WDR72: variants seen among roughly 807,000 people sequenced by gnomAD.
WDR72 encodes WD repeat-containing protein 72.
In WDR72, 120 loss-of-function variants were observed where a neutral mutation model predicts 124.2. That is an observed-to-expected ratio of 0.97 (90% CI 0.83 to 1.12). WDR72 has a LOEUF of 1.12. WDR72 is among the 50% of genes most tolerant of loss of function. The pLI is 0.00. For missense variants in WDR72, 1,387 were observed against 1,278.8 expected (o/e 1.08, Z -1.29); for synonymous variants, 452 against 441.7 (o/e 1.02, Z -0.29).
At chr15:53,529,164 A>ATATATATATATATATTTTTT (rs59003623) in intron 18 of WDR72, among the ~76,000 whole-genome samples, 43 of 78,126 alleles carry the variant, frequency 5.5e-4, no homozygotes, top group African/African-American at 2.1e-3. Context: ...ATATATATAT[A>ATATATATATATATATTTTTT]TTTTTTTTTT....
At chr15:53,646,342 T>A (rs1006026552) in intron 14 of WDR72, among the ~76,000 whole-genome samples, 1 of 152,130 alleles carries the variant, frequency 6.6e-6, no homozygotes, top group Non-Finnish European at 1.5e-5. Flanking sequence ...TTATCATATT[T>A]CCCAAATAAT....
chr15:53,711,592 G>A, intron 7 of WDR72, 111 bp from the exon 8 acceptor site: 1 of 1,104,082 alleles, frequency 9.1e-7, no homozygotes, highest in Non-Finnish European at 1.3e-6. Context: ...GTTAATAACA[G>A]ACCATACTGT....
At chr15:53,585,994 G>A (rs184059447) in intron 18 of WDR72, among the ~76,000 whole-genome samples, 7 of 152,134 alleles carry the variant, frequency 4.6e-5, no homozygotes. Context: ...CAGGCAGTTG[G>A]TGGCTCTCTA....
chr15:53,602,401 C>T (rs1193618561), intron 17 of WDR72, among the ~76,000 whole-genome samples: 1 of 151,938 alleles, frequency 6.6e-6, no homozygotes, highest in African/African-American at 2.4e-5. Context: ...CTCTTGTTAA[C>T]AGCCTAACTT....
intron 14 of WDR72, among the ~76,000 whole-genome samples, chr15:53,662,989 G>A (rs690021): frequency 0.089 from 13,498 of 151,424 alleles, 1,583 homozygotes; most frequent in African/African-American, 0.27. Context: ...GAACTGCTTG[G>A]GCCCAGGAGT....
At chr15:53,686,343 T>A (rs1408940624) in intron 13 of WDR72, among the ~76,000 whole-genome samples, 1 of 151,360 alleles carries the variant, frequency 6.6e-6, no homozygotes, top group Non-Finnish European at 1.5e-5. Flanking sequence ...ACACATAGGC[T>A]CAAAATAAAA....
intron 19 of WDR72, among the ~76,000 whole-genome samples, chr15:53,519,166 T>C (rs1218803347): frequency 6.6e-6 from 1 of 152,094 alleles, no homozygotes; most frequent in Non-Finnish European, 1.5e-5. Flanking sequence ...ATTGTGAATG[T>C]CACACTAAAT....
At position 53,598,840 on chromosome 15, in the gene WDR72, T is replaced by TATCAATTATGTGCCATTA. The variant is rs552935090; in HGVS notation, c.2953-1584_2953-1567dup. Among the ~76,000 whole-genome samples, 1,135 of 152,246 alleles carry TATCAATTATGTGCCATTA rather than the reference T, an allele frequency of 7.5e-3. 19 individuals are homozygous for TATCAATTATGTGCCATTA. Among genetic ancestry groups the TATCAATTATGTGCCATTA allele is most frequent in the African/African-American group, 0.026 (1,097 of 41,508 alleles). ...TGTAATGAGATATTTAACATCAGAG[T>TATCAATTATGTGCCATTA]ATCAATTATGTGCCATTAATCTAAG... On this transcript the variant is annotated intron_variant, in intron 17 of 19. Coordinates refer to ENST00000360509, the MANE Select transcript of WDR72 (RefSeq NM_182758.4).
chr15:53,676,822 A>G (rs2140471450), intron 13 of WDR72, among the ~76,000 whole-genome samples: 1 of 152,254 alleles, frequency 6.6e-6, no homozygotes, highest in South Asian at 2.1e-4. Context: ...GCAATAGGAA[A>G]TTAATATAAC....
intron 17 of WDR72, among the ~76,000 whole-genome samples, chr15:53,604,455 T>C (rs999820144): frequency 1.3e-5 from 2 of 152,082 alleles, no homozygotes; most frequent in African/African-American, 4.8e-5. Flanking sequence ...CAAAAGCAAC[T>C]GCAACAAAAG....
At chr15:53,722,988 T>G in intron 2 of WDR72, 80 bp from the exon 3 acceptor site, 1 of 1,318,156 alleles carries the variant, frequency 7.6e-7, no homozygotes, top group Non-Finnish European at 1.1e-6. Context: ...TATTCATAAC[T>G]CTGATTAGGA....
intron 13 of WDR72, among the ~76,000 whole-genome samples, chr15:53,693,587 T>C (rs1405928700): frequency 6.6e-6 from 1 of 152,232 alleles, no homozygotes; most frequent in African/African-American, 2.4e-5. Context: ...TTTCAAAGCC[T>C]ATGCACTTTG....
At chr15:53,545,182 CA>C (rs1268246007) in intron 18 of WDR72, among the ~76,000 whole-genome samples, 1 of 151,216 alleles carries the variant, frequency 6.6e-6, no homozygotes, top group Admixed American at 6.6e-5. Context: ...CATGTGGAAC[CA>C]AAAAAGAGCC....
chr15:53,515,092 C>CATATATATGTATGTAT lies in WDR72; in HGVS notation c.*2606_*2607insATACATACATATATAT, dbSNP rs1479207889. ...ACACATATATATGTATGTATACACA[C>CATATATATGTATGTAT]ACACACACACACACAAATACATTCA... On this transcript the variant is annotated 3_prime_UTR_variant, in exon 20 of 20. Coordinates refer to ENST00000360509, the MANE Select transcript of WDR72 (RefSeq NM_182758.4). The CATATATATGTATGTAT allele has an allele frequency of 2.0e-4, 5 of 24,844 alleles. No homozygotes were observed. In the Admixed American group the frequency reaches 2.1e-3, roughly 10 times the overall value. 1.5% of individuals were successfully genotyped at this position (24,844 alleles called of 1,614,324 possible). A position where few individuals can be genotyped will look rare whatever the true frequency, so the allele number is the denominator to read the frequency against.
At chr15:53,705,540 G>A (rs1429864388) in intron 10 of WDR72, among the ~76,000 whole-genome samples, 2 of 152,068 alleles carry the variant, frequency 1.3e-5, no homozygotes, top group African/African-American at 4.8e-5. Context: ...TCGGCTCACC[G>A]CAACCTCCAC....
chr15:53,583,028 C>G (rs2012013431), intron 18 of WDR72, among the ~76,000 whole-genome samples: 2 of 151,846 alleles, frequency 1.3e-5, no homozygotes, highest in South Asian at 4.1e-4. Flanking sequence ...AATGAGTTTA[C>G]TGTCTTGTAA....
chr15:53,514,914 C>T lies in WDR72; in HGVS notation c.*2785G>A, dbSNP rs531740269. 2.6e-5 allele frequency: 4 copies of T among 151,270 alleles called. No individual in the cohort carries two copies. In the East Asian group the frequency reaches 5.9e-4, roughly 22 times the overall value. 9.4% of individuals were successfully genotyped at this position (151,270 alleles called of 1,614,324 possible). A position where few individuals can be genotyped will look rare whatever the true frequency, so the allele number is the denominator to read the frequency against. On this transcript the variant is annotated 3_prime_UTR_variant, in exon 20 of 20. Transcript: ENST00000360509. ...CTCCAGGCTTTCCAGGTACTTTTTC[C>T]TGCAATATACAATGGAGCCAATGTG...
intron 13 of WDR72, among the ~76,000 whole-genome samples, chr15:53,696,601 C>T (rs936225894): frequency 2.0e-5 from 3 of 152,154 alleles, no homozygotes; most frequent in African/African-American, 4.8e-5. Flanking sequence ...CGTATTTTCC[C>T]CCTAGCTTTA....
intron 18 of WDR72, among the ~76,000 whole-genome samples, chr15:53,592,064 C>T (rs1437987936): frequency 6.6e-6 from 1 of 152,044 alleles, no homozygotes; most frequent in Admixed American, 6.6e-5. Flanking sequence ...GTCATTATCA[C>T]TGTGCTTTGC....
Sources: allele counts gnomAD v4.1 joint callset (sites outside exome capture counted in the v4.1 genomes callset), GRCh38; gene constraint gnomAD v4.1.1; transcripts MANE v1.5; gene names NCBI Gene and HGNC (gene_info 2026-07-23, HGNC 2026-07-21).